Variants in MYO1E observed in about 807,000 individuals in gnomAD.
The protein encoded by MYO1E is myosin IE, also known as unconventional myosin-Ie.
In MYO1E, 68 loss-of-function variants were observed where a neutral mutation model predicts 151.1. The ratio of observed to expected loss-of-function variants is 0.45; its 90% CI spans 0.37 to 0.55. The LOEUF is 0.55. Among genes scored for constraint, MYO1E ranks in the 20% least tolerant of loss-of-function variants. MYO1E has a pLI of 0.00. For missense variants in MYO1E, 1,363 were observed against 1,389.3 expected (o/e 0.98, Z 0.30); for synonymous variants, 601 against 501.7 (o/e 1.20, Z -2.64).
At chr15:59,353,765 A>G (rs2080838243) in intron 1 of MYO1E, among the ~76,000 whole-genome samples, 1 of 151,894 alleles carries the variant, frequency 6.6e-6, no homozygotes, top group South Asian at 2.1e-4. Context: ...CTCAAAAAAA[A>G]AAAAAAACAA....
chr15:59,302,839 T>C (rs766551784), intron 1 of MYO1E, among the ~76,000 whole-genome samples: 4 of 152,170 alleles, frequency 2.6e-5, no homozygotes, highest in Non-Finnish European at 5.9e-5. Flanking sequence ...ACTTGCCAAT[T>C]TAGAAGCTAA....
chr15:59,272,128 T>A, intron 2 of MYO1E, 178 bp downstream of exon 2: 3 of 641,464 alleles, frequency 4.7e-6, no homozygotes, highest in Non-Finnish European at 8.0e-6. Flanking sequence ...TTTATTTTTA[T>A]TTTTTATAAT....
intron 4 of MYO1E, among the ~76,000 whole-genome samples, chr15:59,255,576 C>T (rs2080189461): frequency 6.6e-6 from 1 of 151,936 alleles, no homozygotes; most frequent in African/African-American, 2.4e-5. Context: ...TGTAAATAAG[C>T]AGAATTTTAA....
chr15:59,157,310 G>T (rs530054430), intron 25 of MYO1E, among the ~76,000 whole-genome samples: 7 of 151,850 alleles, frequency 4.6e-5, no homozygotes, highest in African/African-American at 1.7e-4. Context: ...TTTTGAACAG[G>T]CCTCCTGAAT....
At chr15:59,162,762 T>C (rs1458093772) in intron 23 of MYO1E, among the ~76,000 whole-genome samples, 4 of 152,054 alleles carry the variant, frequency 2.6e-5, no homozygotes, top group African/African-American at 9.7e-5. Flanking sequence ...GGTTTTATTA[T>C]GCATTGGTTT....
intron 22 of MYO1E, among the ~76,000 whole-genome samples, chr15:59,170,511 C>T (rs946667402): frequency 6.6e-6 from 1 of 152,056 alleles, no homozygotes; most frequent in Non-Finnish European, 1.5e-5. Context: ...AGGCACTGCC[C>T]CGCTCAGGTT....
intron 1 of MYO1E, 133 bp downstream of exon 1, chr15:59,372,365 G>T: frequency 9.0e-7 from 1 of 1,110,800 alleles, no homozygotes; most frequent in Non-Finnish European, 1.3e-6. Context: ...ATCAGAGCTC[G>T]CGACGTGCCG....
intron 25 of MYO1E, among the ~76,000 whole-genome samples, chr15:59,155,476 T>C (rs766186127): frequency 3.3e-5 from 5 of 152,228 alleles, no homozygotes; most frequent in Non-Finnish European, 7.3e-5. Context: ...CAAATGGATC[T>C]GGTCCCATTG....
At chr15:59,322,018 C>T (rs897170162) in intron 1 of MYO1E, among the ~76,000 whole-genome samples, 11 of 151,708 alleles carry the variant, frequency 7.3e-5, no homozygotes, top group Middle Eastern at 3.4e-3. Flanking sequence ...TACAAAAGTA[C>T]GAAAAAAATA....
At chr15:59,207,104 G>C (rs761284961) in intron 14 of MYO1E, 3 of 1,614,258 alleles carry the variant, frequency 1.9e-6, no homozygotes, top group Non-Finnish European at 2.5e-6. Context: ...ACTGTGAAGA[G>C]TGAGCTTATT....
chr15:59,303,541 GAAAT>G (rs1324205367), intron 1 of MYO1E, among the ~76,000 whole-genome samples: 5 of 152,008 alleles, frequency 3.3e-5, no homozygotes, highest in Admixed American at 2.0e-4. Context: ...AATAAAGAAA[GAAAT>G]AAATAAAAAG....
chr15:59,158,345 A>G lies in MYO1E; in HGVS notation c.2820T>C (p.Gly940=), dbSNP rs1193815645. ...TGGCATTTTGAGTCCCACTGGAATA[A>G]CCTGTATTTTGGGTAGTGTTCCTTC... ...PTRRNTTQNT[G]YSSGTQNANY... The change falls in exon 25 of 28, where the codon GGT becomes GGC. Residue 940 remains glycine (G), a synonymous_variant. Transcript: ENST00000288235. The G allele has an allele frequency of 2.5e-6, 4 of 1,573,726 alleles. No homozygotes were observed. Among genetic ancestry groups the G allele is most frequent in the Non-Finnish European group, 3.5e-6 (4 of 1,157,458 alleles).
chr15:59,351,402 C>T (rs1293585192), intron 1 of MYO1E, among the ~76,000 whole-genome samples: 1 of 152,228 alleles, frequency 6.6e-6, no homozygotes, highest in Non-Finnish European at 1.5e-5. Context: ...AGGAACAAGG[C>T]ATGTAGGCTG....
chr15:59,137,478 G>A (rs771219365), intron 27 of MYO1E, 22 bp from the exon 28 acceptor site: 9 of 1,609,542 alleles, frequency 5.6e-6, no homozygotes, highest in Non-Finnish European at 6.8e-6. Context: ...GAGAGGTGGT[G>A]GAAGTGAAGA....
chr15:59,321,113 A>G (rs111716657), intron 1 of MYO1E, among the ~76,000 whole-genome samples: 31,131 of 152,148 alleles, frequency 0.2, 4,181 homozygotes, highest in African/African-American at 0.38. Flanking sequence ...TCATAGAAAT[A>G]CAAATCAAAA....
chr15:59,163,381 T>A, intron 22 of MYO1E, 78 bp from the exon 23 acceptor site: 10 of 1,458,654 alleles, frequency 6.9e-6, no homozygotes, highest in Middle Eastern at 2.0e-4. Flanking sequence ...TCTTCCATTT[T>A]AAAAATCCTG....
chr15:59,166,386 C>A (rs1408042710), intron 22 of MYO1E, among the ~76,000 whole-genome samples: 6 of 152,214 alleles, frequency 3.9e-5, no homozygotes, highest in Non-Finnish European at 8.8e-5. Context: ...AAGACCTCTT[C>A]CTAGTCTCTG....
At chr15:59,251,812 T>G (rs1160649872) in intron 4 of MYO1E, among the ~76,000 whole-genome samples, 1 of 152,200 alleles carries the variant, frequency 6.6e-6, no homozygotes, top group African/African-American at 2.4e-5. Context: ...ATGAAATAAA[T>G]GAACCCAACT....
At chr15:59,187,865 T>C (rs1306915309) in intron 18 of MYO1E, among the ~76,000 whole-genome samples, 1 of 152,188 alleles carries the variant, frequency 6.6e-6, no homozygotes, top group African/African-American at 2.4e-5. Flanking sequence ...TAGGCAAATC[T>C]ATAGACAGAA....
Sources: allele counts gnomAD v4.1 joint callset (sites outside exome capture counted in the v4.1 genomes callset), GRCh38; gene constraint gnomAD v4.1.1; transcripts MANE v1.5; gene names NCBI Gene and HGNC (gene_info 2026-07-23, HGNC 2026-07-21).